Variants in RAD50 observed in about 807,000 individuals in gnomAD.
The protein encoded by RAD50 is RAD50 double strand break repair protein, also known as DNA repair protein RAD50.
A neutral mutation model predicts 168.8 loss-of-function variants in RAD50; 132 were observed. The observed-to-expected ratio is 0.78, with a 90% confidence interval of 0.68 to 0.90. RAD50 has a LOEUF of 0.90. Among genes scored for constraint, RAD50 ranks in the 40% least tolerant of loss-of-function variants. RAD50 has a pLI of 0.00. For synonymous variants in RAD50, 525 were observed against 497.4 expected, an observed-to-expected ratio of 1.06 and a Z score of -0.74; for missense variants, 1,347 against 1,534.4, an observed-to-expected ratio of 0.88 and a Z score of 2.04.
At chr5:132,571,216 T>C (rs1750298332) in intron 2 of RAD50, among the ~76,000 whole-genome samples, 1 of 152,174 alleles carries the variant, frequency 6.6e-6, no homozygotes, top group South Asian at 2.1e-4. Flanking sequence ...ATTACCAAAA[T>C]GTGACACAGA....
intron 2 of RAD50, among the ~76,000 whole-genome samples, chr5:132,561,462 G>C (rs906814995): frequency 6.7e-6 from 1 of 149,598 alleles, no homozygotes; most frequent in African/African-American, 2.4e-5. Context: ...CAAAGTGCTG[G>C]GATTACAGAT....
At chr5:132,568,903 T>C (rs902572111) in intron 2 of RAD50, among the ~76,000 whole-genome samples, 3 of 152,236 alleles carry the variant, frequency 2.0e-5, no homozygotes, top group Non-Finnish European at 2.9e-5. Flanking sequence ...AAAGCTGCTC[T>C]AGGTCCCCCT....
At chr5:132,611,687 C>T (rs1488620400) in intron 19 of RAD50, among the ~76,000 whole-genome samples, 4 of 123,832 alleles carry the variant, frequency 3.2e-5, no homozygotes, top group Admixed American at 3.0e-4. Flanking sequence ...GCCTGGGTGA[C>T]AGAGCCAGAC....
intron 1 of RAD50, among the ~76,000 whole-genome samples, chr5:132,558,006 C>CT (rs80037304): frequency 1.4e-3 from 203 of 142,798 alleles, no homozygotes; most frequent in Middle Eastern, 3.6e-3. Context: ...GCACGACTGA[C>CT]TTTTTTTTTT....
In RAD50 at chr5:132,604,720, A is replaced by G. The variant is rs142655118; in HGVS notation, c.2525-86A>G. 3.5e-4 allele frequency: 413 copies of G among 1,167,030 alleles called. 3 individuals are homozygous for G. The East Asian group carries it at 9.8e-3, about 28-fold the overall frequency. The allele number at this position is 1,167,030 out of a possible 1,614,324, so 72.3% of individuals were successfully genotyped here. A position where few individuals can be genotyped will look rare whatever the true frequency, so the allele number is the denominator to read the frequency against. Reference sequence around the variant, plus strand: ...CACAGAAATAGCATTTGTGGATTCCATAGACCGATAAAAATGGGAAGAATG... The same window carrying G: ...CACAGAAATAGCATTTGTGGATTCCGTAGACCGATAAAAATGGGAAGAATG... On this transcript the variant is annotated intron_variant, in intron 15 of 24. Coordinates refer to ENST00000378823, the MANE Select transcript of RAD50 (RefSeq NM_005732.4).
rs1241171232 is a variant in RAD50 at position 132,557,013 on chromosome 5, A to G, written c.-312A>G. The G allele has an allele frequency of 4.1e-6, 3 of 731,184 alleles. No individual in the cohort carries two copies. Among genetic ancestry groups the G allele is most frequent in the Non-Finnish European group, 6.1e-6 (3 of 491,580 alleles). 45.3% of individuals were successfully genotyped at this position (731,184 alleles called of 1,614,324 possible). A position where few individuals can be genotyped will look rare whatever the true frequency, so the allele number is the denominator to read the frequency against. ...AGGGCGGCCGAGGCAGGAAGCTGTG[A>G]GTGCGCGGTTGCGGGGTCGCATTGT... On this transcript the variant is annotated 5_prime_UTR_variant, in exon 1 of 25. Transcript: ENST00000378823.
At chr5:132,580,764 T>A (rs1750490089) in intron 5 of RAD50, among the ~76,000 whole-genome samples, 1 of 152,170 alleles carries the variant, frequency 6.6e-6, no homozygotes, top group African/African-American at 2.4e-5. Context: ...ATACTGTGCT[T>A]GGGTACAAAG....
Position 132,619,871 on chromosome 5 carries a change from GAT to G in RAD50, c.3389+1591_3389+1592del, listed in dbSNP as rs1265698606. Among the ~76,000 whole-genome samples the G allele has an allele frequency of 4.5e-4, 38 of 84,876 alleles. 1 individual carries two copies. The highest frequency in any genetic ancestry group is 1.1e-3 in the South Asian group (3 of 2,672). The allele number at this position is 84,876 out of a possible 152,430, so 55.7% of individuals were successfully genotyped here. A position where few individuals can be genotyped will look rare whatever the true frequency, so the allele number is the denominator to read the frequency against. On this transcript the variant is annotated intron_variant, in intron 21 of 24. Coordinates refer to ENST00000378823, the MANE Select transcript of RAD50 (RefSeq NM_005732.4). ...ATATATAAAGATATATATATATAAA[GAT>G]ATATATATATATAGAGAGAGAGAGA...
At chr5:132,608,131 G>C (rs901089511) in intron 16 of RAD50, among the ~76,000 whole-genome samples, 1 of 152,240 alleles carries the variant, frequency 6.6e-6, no homozygotes, top group South Asian at 2.1e-4. Flanking sequence ...CTTAAGGACA[G>C]AAGTGTTTTT....
At chr5:132,576,731 CA>C (rs1288216027) in intron 3 of RAD50, among the ~76,000 whole-genome samples, 1 of 152,170 alleles carries the variant, frequency 6.6e-6, no homozygotes, top group Non-Finnish European at 1.5e-5. Context: ...ATACTGTCTC[CA>C]TTTCTTCACC....
At chr5:132,570,093 C>T (rs1197355388) in intron 2 of RAD50, among the ~76,000 whole-genome samples, 1 of 152,140 alleles carries the variant, frequency 6.6e-6, no homozygotes, top group Non-Finnish European at 1.5e-5. Context: ...AATAGTCTTT[C>T]GTGGTAAAAA....
At chr5:132,621,990 C>T (rs553363330) in intron 21 of RAD50, among the ~76,000 whole-genome samples, 16 of 152,210 alleles carry the variant, frequency 1.1e-4, no homozygotes, top group African/African-American at 3.1e-4. Flanking sequence ...ACATAACCTC[C>T]TCTTTCCTCT....
chr5:132,580,919 G>A (rs1750493577), intron 5 of RAD50, among the ~76,000 whole-genome samples: 1 of 151,988 alleles, frequency 6.6e-6, no homozygotes, highest in African/African-American at 2.4e-5. Flanking sequence ...AAACTCACCT[G>A]TAAATACCAG....
At chr5:132,620,505 G>C (rs753951080) in intron 21 of RAD50, among the ~76,000 whole-genome samples, 23 of 152,152 alleles carry the variant, frequency 1.5e-4, no homozygotes, top group Non-Finnish European at 2.9e-4. Flanking sequence ...GTGTATGTCT[G>C]TCTTTTAACC....
intron 19 of RAD50, among the ~76,000 whole-genome samples, chr5:132,612,827 C>CAA (rs1013892594): frequency 6.6e-6 from 1 of 151,346 alleles, no homozygotes; most frequent in Non-Finnish European, 1.5e-5. Context: ...GACCCTGTCT[C>CAA]AAAAAATATA....
rs1238122876 is a variant in RAD50 at position 132,643,195 on chromosome 5, G to A, written c.*831G>A. On this transcript the variant is annotated 3_prime_UTR_variant, in exon 25 of 25. Coordinates refer to ENST00000378823, the MANE Select transcript of RAD50 (RefSeq NM_005732.4). Reference sequence around the variant, plus strand: ...CCTGATTCCTCTCTAAGTGGGCATTGCCATGTGGAAGGCAAGCCAGGCTCA... The same window carrying A: ...CCTGATTCCTCTCTAAGTGGGCATTACCATGTGGAAGGCAAGCCAGGCTCA... The A allele has an allele frequency of 7.9e-6, 3 of 379,528 alleles. No individual in the cohort carries two copies. The highest frequency in any genetic ancestry group is 1.7e-5 in the Non-Finnish European group (3 of 174,984). The allele number at this position is 379,528 out of a possible 1,614,324, so 23.5% of individuals were successfully genotyped here.
intron 2 of RAD50, among the ~76,000 whole-genome samples, chr5:132,569,500 G>GAGA (rs997455925): frequency 5.3e-5 from 8 of 152,094 alleles, no homozygotes; most frequent in Admixed American, 4.6e-4. Context: ...GAAACCTATG[G>GAGA]AACAGAATGG....
intron 19 of RAD50, among the ~76,000 whole-genome samples, chr5:132,611,139 C>G (rs1393767119): frequency 6.6e-6 from 1 of 152,136 alleles, no homozygotes; most frequent in African/African-American, 2.4e-5. Flanking sequence ...GCCTGTAATC[C>G]CAGCACTTTG....
intron 21 of RAD50, among the ~76,000 whole-genome samples, chr5:132,622,588 G>A (rs1187901679): frequency 6.6e-6 from 1 of 152,126 alleles, no homozygotes; most frequent in African/African-American, 2.4e-5. Context: ...CCAGGCTTAT[G>A]ATGTATTTTC....
Sources: gnomAD v4.1 joint callset for allele counts (sites outside exome capture counted in the v4.1 genomes callset) on GRCh38, gnomAD v4.1.1 for gene constraint, MANE v1.5 for transcripts, NCBI Gene and HGNC (gene_info 2026-07-23, HGNC 2026-07-21) for gene names.